The following PLCXD1 variants were observed in gnomAD, a reference collection of about 807,000 sequenced individuals.
PLCXD1 encodes phosphatidylinositol specific phospholipase C X domain containing 1.
A neutral mutation model predicts 37.8 loss-of-function variants in PLCXD1; 45 were observed. The observed-to-expected ratio is 1.19, with a 90% CI of 0.94 to 1.53. The LOEUF (loss-of-function observed/expected upper bound fraction) is 1.53, where lower values mean the gene tolerates loss of function less well. Among genes scored for constraint, PLCXD1 ranks in the 40% most tolerant of loss-of-function variants. PLCXD1 has a pLI of 0.00. For synonymous variants in PLCXD1, 246 were observed against 206.9 expected (o/e 1.19, Z -1.62); for missense variants, 539 against 454.7 (o/e 1.19, Z -1.69).
At position 299,269 on chromosome X, in the gene PLCXD1, C is replaced by A; in HGVS notation, c.906C>A (p.Asp302Glu). The A allele has an allele frequency of 1.9e-6, 3 of 1,613,888 alleles. No homozygotes were observed. Among genetic ancestry groups the A allele is most frequent in the Non-Finnish European group, 2.5e-6 (3 of 1,179,840 alleles). Residue 302 changes from aspartate to glutamate, a missense_variant, in exon 7 of 7, where the codon GAC becomes GAA. Coordinates refer to ENST00000381657, the MANE Select transcript of PLCXD1 (RefSeq NM_018390.4). ...GGTGCACCAACATCATCGCGGGGGA[C>A]TTCATCGGCGCAGACGGCTTCGTCA... Reference protein sequence around the residue: ...GSRCTNIIAGDFIGADGFVSD... With the variant: ...GSRCTNIIAGEFIGADGFVSD...
chrX:282,444 C>T (rs2069301170), intron 1 of PLCXD1, among the ~76,000 whole-genome samples: 1 of 151,852 alleles, frequency 6.6e-6, no homozygotes, highest in Non-Finnish European at 1.5e-5. Context: ...GTGGCTCACG[C>T]CAGTAATCCC....
At chrX:290,581 G>T in intron 3 of PLCXD1, 67 bp from the exon 4 acceptor site, 1 of 1,588,126 alleles carries the variant, frequency 6.3e-7, no homozygotes, top group Non-Finnish European at 8.6e-7. Context: ...CAACCCCACA[G>T]CCCATTCCTG....
intron 1 of PLCXD1, chrX:283,836 C>CA: frequency 5.0e-6 from 1 of 201,138 alleles, no homozygotes; most frequent in Non-Finnish European, 1.0e-5. Context: ...TTTGGAGCTG[C>CA]AAAAAATGCT....
upstream of PLCXD1, among the ~76,000 whole-genome samples, chrX:277,344 A>C (rs185583097): frequency 1.0e-4 from 7 of 67,440 alleles, no homozygotes; most frequent in African/African-American, 3.3e-4. Flanking sequence ...GGGGTTGGGG[A>C]ACGTGGGGAC....
intron 2 of PLCXD1, among the ~76,000 whole-genome samples, chrX:285,816 TA>T (rs2069437491): frequency 6.6e-6 from 1 of 152,084 alleles, no homozygotes; most frequent in African/African-American, 2.4e-5. Context: ...TTAATATAAG[TA>T]GGGGGTTTCC....
chrX:278,966 G>C (rs1463442832), upstream of PLCXD1, among the ~76,000 whole-genome samples: 1 of 152,190 alleles, frequency 6.6e-6, no homozygotes, highest in African/African-American at 2.4e-5. Flanking sequence ...CGATAAAGCG[G>C]TTCATTCACT....
intron 6 of PLCXD1, among the ~76,000 whole-genome samples, chrX:296,433 T>G (rs28667171): frequency 2.5e-3 from 387 of 152,268 alleles, no homozygotes; most frequent in African/African-American, 8.4e-3. Context: ...TAGAAATACG[T>G]GTTAAAAACC....
At chrX:278,999 G>C (rs964661920), upstream of PLCXD1, among the ~76,000 whole-genome samples, 9 of 152,176 alleles carry the variant, frequency 5.9e-5, no homozygotes, top group African/African-American at 2.2e-4. Context: ...GGCTGAGTCC[G>C]AAGAGAGAGT....
rs761110932 is a variant in PLCXD1, at chrX:302,684, C to T, written c.*3349C>T. On this transcript the variant is annotated 3_prime_UTR_variant, in exon 7 of 7. Transcript: ENST00000381657. ...ACCTCCCGGGTTCCAGCAAATTCTC[C>T]TGCCTCAGCCTCCCAAGTAGCTGGG... is the stretch of plus-strand genomic sequence containing the variant. 6.6e-6 allele frequency: 1 copy of T among 152,370 alleles called. No individual in the cohort carries two copies. Among genetic ancestry groups the T allele is most frequent in the South Asian group, 2.1e-4 (1 of 4,832 alleles). 9.4% of individuals were successfully genotyped at this position (152,370 alleles called of 1,614,324 possible).
At chrX:289,758 G>A (rs758967398) in intron 3 of PLCXD1, among the ~76,000 whole-genome samples, 20 of 151,580 alleles carry the variant, frequency 1.3e-4, no homozygotes, top group East Asian at 4.0e-4. Context: ...TGATCCACCC[G>A]CCTCAGCCTC....
At chrX:283,952 G>A (rs765507484) in intron 1 of PLCXD1, 76 of 486,514 alleles carry the variant, frequency 1.6e-4, no homozygotes, top group African/African-American at 1.3e-3. Context: ...CGGGATCTCC[G>A]CTCACTGTAA....
rs748003934 is a variant in PLCXD1 at position 286,759 on chromosome X, TC to T, written c.128-1971del. ...GGTTATGGATTGATATTATTTTAAC[TC>T]CCAGGGCTGGGTGGTGGTGCCAAGG... On this transcript the variant is annotated intron_variant, in intron 2 of 6. Transcript: ENST00000381657. 6.6e-5 allele frequency among the ~76,000 whole-genome samples: 10 copies of T among 152,270 alleles called. No individual in the cohort carries two copies. In the East Asian group the frequency reaches 1.9e-3, roughly 29 times the overall value.
chrX:299,345 T>A lies in PLCXD1; in HGVS notation c.*10T>A. ...GCTGCTGTGGTGCTGACGGGACCCT[T>A]CTGAAGTTCGGGACGCGGCGGCTGC... On this transcript the variant is annotated 3_prime_UTR_variant, in exon 7 of 7. Coordinates refer to ENST00000381657, the MANE Select transcript of PLCXD1 (RefSeq NM_018390.4). The A allele has an allele frequency of 6.3e-7, 1 of 1,596,790 alleles. No homozygotes were observed. The highest frequency in any genetic ancestry group is 1.1e-5 in the South Asian group (1 of 90,780).
At chrX:290,045 C>A (rs1287632427) in intron 3 of PLCXD1, among the ~76,000 whole-genome samples, 1 of 151,896 alleles carries the variant, frequency 6.6e-6, no homozygotes, top group African/African-American at 2.4e-5. Flanking sequence ...GCAGCCTGGG[C>A]CTCCCAGGAT....
chrX:298,746 A>T (rs867878244), intron 6 of PLCXD1, among the ~76,000 whole-genome samples: 10 of 71,230 alleles, frequency 1.4e-4, no homozygotes, highest in Admixed American at 1.3e-4. Context: ...CCTGTCTATC[A>T]CATGGGGATT....
chrX:298,890 C>G (rs1196208021), intron 6 of PLCXD1, among the ~76,000 whole-genome samples: 1 of 151,610 alleles, frequency 6.6e-6, no homozygotes, highest in Non-Finnish European at 1.5e-5. Flanking sequence ...TATTCTGTCT[C>G]CCACACGGTG....
rs1306491844 is a variant in PLCXD1, at chrX:302,281, A to AC, written c.*2947dup. The AC allele has an allele frequency of 7.6e-6, 1 of 131,156 alleles. No homozygotes were observed. The highest frequency in any genetic ancestry group is 1.8e-5 in the Non-Finnish European group (1 of 56,700). The allele number at this position is 131,156 out of a possible 1,614,324, so 8.1% of individuals were successfully genotyped here. Reference sequence around the variant, plus strand: ...CAGGTACAAGGGAGACCCCCCCCCCACGGAAGGCGCCCCCAGTCCGTGTGG... The same window carrying AC: ...CAGGTACAAGGGAGACCCCCCCCCCACCGGAAGGCGCCCCCAGTCCGTGTGG... On this transcript the variant is annotated 3_prime_UTR_variant, in exon 7 of 7. Coordinates refer to ENST00000381657, the MANE Select transcript of PLCXD1 (RefSeq NM_018390.4).
intron 6 of PLCXD1, among the ~76,000 whole-genome samples, chrX:295,639 C>T (rs1457268881): frequency 2.6e-5 from 4 of 151,724 alleles, no homozygotes; most frequent in African/African-American, 9.7e-5. Flanking sequence ...ATTCTCCTGC[C>T]TCAGCCTCCT....
At chrX:296,879 C>A (rs2069827921) in intron 6 of PLCXD1, among the ~76,000 whole-genome samples, 1 of 149,422 alleles carries the variant, frequency 6.7e-6, no homozygotes, top group African/African-American at 2.5e-5. Flanking sequence ...ATTATTCTGT[C>A]TCCCACATGG....
Sources: allele counts gnomAD v4.1 joint callset (sites outside exome capture counted in the v4.1 genomes callset), GRCh38; gene constraint gnomAD v4.1.1; transcripts MANE v1.5; gene names NCBI Gene and HGNC (gene_info 2026-07-23, HGNC 2026-07-21).